The following MAGEF1 variants were observed in gnomAD, a reference collection of about 807,000 sequenced individuals.
The protein encoded by MAGEF1 is melanoma-associated antigen F1.
For synonymous variants in MAGEF1, 150 were observed against 163.6 expected, an observed-to-expected ratio of 0.92 and a Z score of 0.63; for missense variants, 418 against 399.5, an observed-to-expected ratio of 1.05 and a Z score of -0.39.
chr3:184,711,380 T>C lies in MAGEF1; in HGVS notation c.442A>G (p.Lys148Glu). Residue 148 changes from lysine to glutamate, a missense_variant, in exon 1 of 1, where the codon AAA (lysine) becomes GAA (glutamate). Transcript: ENST00000317897. ...TCCTCCTCCTCCAGAGGTTTTAGTT[T>C]GTTGATCAGGATGTAAGTGTGGTGC... ...RKHHTYILIN[K>E]LKPLEEEEEE... 1 of 1,614,096 alleles carries C rather than the reference T, an allele frequency of 6.2e-7. No individual in the cohort carries two copies.
In MAGEF1 at chr3:184,710,837, T is replaced by C. The variant is rs1229260255; in HGVS notation, c.*61A>G. ...AAGACCCTCGCCCCACCCATATTAC[T>C]TATGACTCAGGACAGTAGTTCGTCC... On this transcript the variant is annotated 3_prime_UTR_variant, in exon 1 of 1. Coordinates refer to ENST00000317897, the MANE Select transcript of MAGEF1 (RefSeq NM_022149.5). 1 of 1,488,642 alleles carries C rather than the reference T, an allele frequency of 6.7e-7. No individual in the cohort carries two copies. The highest frequency in any genetic ancestry group is 1.4e-5 in the African/African-American group (1 of 71,528). 92.2% of individuals were successfully genotyped at this position (1,488,642 alleles called of 1,614,324 possible).
rs1712240739 is a variant in MAGEF1 at position 184,711,910 on chromosome 3, G to A, written c.-89C>T. ...GCCCCGGGGGAGGGGTTGGACAGCG[G>A]CAGTGACGGCGGGAGTACAAGGAGC... On this transcript the variant is annotated 5_prime_UTR_variant, in exon 1 of 1. Coordinates refer to ENST00000317897, the MANE Select transcript of MAGEF1 (RefSeq NM_022149.5). 7.1e-7 allele frequency: 1 copy of A among 1,414,752 alleles called. No individual in the cohort carries two copies. The highest frequency in any genetic ancestry group is 9.2e-7 in the Non-Finnish European group (1 of 1,084,238). The allele number at this position is 1,414,752 out of a possible 1,614,324, so 87.6% of individuals were successfully genotyped here.
chr3:184,711,271 G>T lies in MAGEF1; in HGVS notation c.551C>A (p.Ala184Asp). ...CATCTCCCAGACCTGGGCCTCCCTG[G>T]CGCTATTACCTCTCATATAGATAAG... ...LGLIYMRGNS[A>D]REAQVWEMLR... The change falls in exon 1 of 1, where the codon GCC becomes GAC. Residue 184 changes from alanine (A) to aspartate (D), a missense_variant. Physicochemically the swap from Ala to Asp is moderately radical, Grantham distance 126. Coordinates refer to ENST00000317897, the MANE Select transcript of MAGEF1 (RefSeq NM_022149.5). 1.9e-6 allele frequency: 3 copies of T among 1,614,036 alleles called. No individual in the cohort carries two copies. Among genetic ancestry groups the T allele is most frequent in the Non-Finnish European group, 2.5e-6 (3 of 1,180,026 alleles).
In MAGEF1 at chr3:184,711,886, C is replaced by T; in HGVS notation, c.-65G>A. 7.0e-7 allele frequency: 1 copy of T among 1,432,718 alleles called. No individual in the cohort carries two copies. Among genetic ancestry groups the T allele is most frequent in the Non-Finnish European group, 9.2e-7 (1 of 1,092,878 alleles). The allele number at this position is 1,432,718 out of a possible 1,614,324, so 88.8% of individuals were successfully genotyped here. A position where few individuals can be genotyped will look rare whatever the true frequency, so the allele number is the denominator to read the frequency against. On this transcript the variant is annotated 5_prime_UTR_variant, in exon 1 of 1. Coordinates refer to ENST00000317897, the MANE Select transcript of MAGEF1 (RefSeq NM_022149.5). ...AGGGGTGTGGGAGCCGCCGCGCAAGCCCCGGGGGAGGGGTTGGACAGCGGC... is the reference window on the plus strand; with the variant it reads ...AGGGGTGTGGGAGCCGCCGCGCAAGTCCCGGGGGAGGGGTTGGACAGCGGC...
At position 184,711,900 on chromosome 3, in the gene MAGEF1, T is replaced by A. The variant is rs1012619537; in HGVS notation, c.-79A>T. ...CGCCGCGCAAGCCCCGGGGGAGGGG[T>A]TGGACAGCGGCAGTGACGGCGGGAG... is the stretch of plus-strand genomic sequence containing the variant. On this transcript the variant is annotated 5_prime_UTR_variant, in exon 1 of 1. Coordinates refer to ENST00000317897, the MANE Select transcript of MAGEF1 (RefSeq NM_022149.5). 7.0e-7 allele frequency: 1 copy of A among 1,423,090 alleles called. No homozygotes were observed. Among genetic ancestry groups the A allele is most frequent in the African/African-American group, 1.5e-5 (1 of 68,254 alleles). 88.2% of individuals were successfully genotyped at this position (1,423,090 alleles called of 1,614,324 possible). A position where few individuals can be genotyped will look rare whatever the true frequency, so the allele number is the denominator to read the frequency against.
chr3:184,711,595 A>T lies in MAGEF1; in HGVS notation c.227T>A (p.Leu76Gln). Residue 76 changes from leucine (L) to glutamine (Q), a missense_variant, in exon 1 of 1, where the codon CTG becomes CAG. Leu to Gln is a moderately radical substitution (Grantham distance 113, BLOSUM62 -2). Transcript: ENST00000317897. ...CACCAACTCCGCCACCGTCCGATTC[A>T]GCCGGCGGTAGGCCCTGCGCCTTGC... is the stretch of plus-strand genomic sequence containing the variant. ...ALARRRAYRR[L>Q]NRTVAELVQF... is the part of the protein sequence containing the mutation. 1 of 1,613,572 alleles carries T rather than the reference A, an allele frequency of 6.2e-7. No homozygotes were observed.
rs771643117 is a variant in MAGEF1 at position 184,711,054 on chromosome 3, C to T, written c.768G>A (p.Gly256=). Residue 256 remains glycine, a synonymous_variant, in exon 1 of 1, where the codon GGG becomes GGA. Transcript: ENST00000317897. ...CCTTCTTATGCAGTTTGGCCACGAA[C>T]CCCAGGACTTCCATCTTGCTGATTT... ...NLEISKMEVL[G]FVAKLHKKEP... is the part of the protein sequence containing the mutation. 3.8e-5 allele frequency: 62 copies of T among 1,614,108 alleles called. No individual in the cohort carries two copies. Among genetic ancestry groups the T allele is most frequent in the Non-Finnish European group, 5.1e-5 (60 of 1,180,048 alleles).
rs536560183 is a variant in MAGEF1 at position 184,711,734 on chromosome 3, G to A, written c.88C>T (p.Pro30Ser). The A allele has an allele frequency of 6.5e-7, 1 of 1,533,834 alleles. No homozygotes were observed. Among genetic ancestry groups the A allele is most frequent in the African/African-American group, 1.4e-5 (1 of 72,336 alleles). Residue 30 changes from proline to serine, a missense_variant, in exon 1 of 1, where the codon CCG becomes TCG. Transcript: ENST00000317897. ...DGGHDGETRAPTASQERPKEE... is the reference protein window; with the variant it reads ...DGGHDGETRASTASQERPKEE... ...TTGGGGCGCTCCTGCGAGGCGGTCG[G>A]GGCCCGGGTCTCACCATCATGGCCG...
In MAGEF1 at chr3:184,711,080, C is replaced by T; in HGVS notation, c.742G>A (p.Glu248Lys). The change falls in exon 1 of 1, where the codon GAA becomes AAA. Residue 248 changes from glutamate to lysine, a missense_variant. By Grantham distance (56) the Glu-to-Lys change is moderately conservative. Coordinates refer to ENST00000317897, the MANE Select transcript of MAGEF1 (RefSeq NM_022149.5). ...EFSWGPRSNL[E>K]ISKMEVLGFV... ...CCCAGGACTTCCATCTTGCTGATTT[C>T]CAGGTTGCTTCGGGGACCCCAAGAG... The T allele has an allele frequency of 1.9e-6, 3 of 1,614,214 alleles. No individual in the cohort carries two copies. The highest frequency in any genetic ancestry group is 2.5e-6 in the Non-Finnish European group (3 of 1,180,042).
At position 184,711,176 on chromosome 3, in the gene MAGEF1, C is replaced by T; in HGVS notation, c.646G>A (p.Glu216Lys). The change falls in exon 1 of 1, where the codon GAA (glutamate) becomes AAA (lysine). Residue 216 changes from glutamate (E) to lysine (K), a missense_variant. Transcript: ENST00000317897. The stretch of plus-strand genomic sequence containing the variant: ...AGATATCGCTGCTGCACAAAATCTT[C>T]CATAATAAGCCTCTTCGGATACCCA... ...LFGYPKRLIM[E>K]DFVQQRYLSY... 1 of 1,614,218 alleles carries T rather than the reference C, an allele frequency of 6.2e-7. No homozygotes were observed. The highest frequency in any genetic ancestry group is 8.5e-7 in the Non-Finnish European group (1 of 1,180,038).
chr3:184,711,201 A>G lies in MAGEF1; in HGVS notation c.621T>C (p.Phe207=). 1.2e-6 allele frequency: 2 copies of G among 1,614,062 alleles called. No homozygotes were observed. The highest frequency in any genetic ancestry group is 1.6e-4 in the Middle Eastern group (1 of 6,062). Reference sequence around the variant, plus strand: ...CCATAATAAGCCTCTTCGGATACCCAAAGAGGAAATGATACTTTGAGGGTT... The same window carrying G: ...CCATAATAAGCCTCTTCGGATACCCGAAGAGGAAATGATACTTTGAGGGTT... The part of the protein sequence containing the change: ...GVQPSKYHFL[F]GYPKRLIMED... Residue 207 remains phenylalanine (F), a synonymous_variant, in exon 1 of 1, where the codon TTT becomes TTC. Transcript: ENST00000317897.
rs17845253 is a variant in MAGEF1, at chr3:184,711,112, T to C, written c.710A>G (p.Tyr237Cys). 1.9e-6 allele frequency: 3 copies of C among 1,614,166 alleles called. No homozygotes were observed. The highest frequency in any genetic ancestry group is 1.7e-5 in the Admixed American group (1 of 60,028). The change falls in exon 1 of 1, where the codon TAT becomes TGT. Residue 237 changes from tyrosine to cysteine, a missense_variant. By Grantham distance (194) the Tyr-to-Cys change is radical. Coordinates refer to ENST00000317897, the MANE Select transcript of MAGEF1 (RefSeq NM_022149.5). ...RRVPHTNPPEYEFSWGPRSNL... is the reference protein window; with the variant it reads ...RRVPHTNPPECEFSWGPRSNL... ...GCTTCGGGGACCCCAAGAGAATTCA[T>C]ATTCTGGTGGATTGGTGTGAGGCAC...
At position 184,711,298 on chromosome 3, in the gene MAGEF1, C is replaced by A; in HGVS notation, c.524G>T (p.Gly175Val). ...PRLGLLMMIL[G>V]LIYMRGNSAR... Reference sequence around the variant, plus strand: ...GCTATTACCTCTCATATAGATAAGGCCCAGGATCATCATTAACAGACCCAA... The same window carrying A: ...GCTATTACCTCTCATATAGATAAGGACCAGGATCATCATTAACAGACCCAA... The change falls in exon 1 of 1, where the codon GGC (glycine) becomes GTC (valine). Residue 175 changes from glycine to valine, a missense_variant. By Grantham distance (109) the Gly-to-Val change is moderately radical (BLOSUM62 -3). Transcript: ENST00000317897. The A allele has an allele frequency of 6.2e-7, 1 of 1,613,980 alleles. No homozygotes were observed. Among genetic ancestry groups the A allele is most frequent in the Non-Finnish European group, 8.5e-7 (1 of 1,179,998 alleles).
Position 184,711,369 on chromosome 3 carries a change from A to T in MAGEF1, c.453T>A (p.Pro151=). The change falls in exon 1 of 1, where the codon CCT becomes CCA. Residue 151 remains proline (P), a synonymous_variant. Coordinates refer to ENST00000317897, the MANE Select transcript of MAGEF1 (RefSeq NM_022149.5). ...GATCCTCCTCCTCCTCCTCCTCCAG[A>T]GGTTTTAGTTTGTTGATCAGGATGT... ...HTYILINKLK[P]LEEEEEEDLG... 1 of 1,575,574 alleles carries T rather than the reference A, an allele frequency of 6.3e-7. No homozygotes were observed. The highest frequency in any genetic ancestry group is 1.4e-5 in the African/African-American group (1 of 69,614).
chr3:184,712,014 G>A lies in MAGEF1; in HGVS notation c.-193C>T. The A allele has an allele frequency of 3.8e-6, 4 of 1,049,594 alleles. No individual in the cohort carries two copies. Among genetic ancestry groups the A allele is most frequent in the Non-Finnish European group, 5.0e-6 (4 of 797,186 alleles). The allele number at this position is 1,049,594 out of a possible 1,614,324, so 65.0% of individuals were successfully genotyped here. On this transcript the variant is annotated 5_prime_UTR_variant, in exon 1 of 1. Coordinates refer to ENST00000317897, the MANE Select transcript of MAGEF1 (RefSeq NM_022149.5). ...TGCGGCCGCAACGCCGCCAGCAGCC[G>A]GAACCTGCGGCGCGCAGCCTCAGTC...
At position 184,711,693 on chromosome 3, in the gene MAGEF1, G is replaced by C. The variant is rs1712232269; in HGVS notation, c.129C>G (p.Ala43=). The C allele has an allele frequency of 2.5e-6, 4 of 1,574,092 alleles. No individual in the cohort carries two copies. Among genetic ancestry groups the C allele is most frequent in the Non-Finnish European group, 3.4e-6 (4 of 1,163,024 alleles). ...GCTCCGCAGCCCCCTCCTCCCTCCCGGCGCCAAGCTCCTCCTTGGGGCGCT... is the reference window on the plus strand; with the variant it reads ...GCTCCGCAGCCCCCTCCTCCCTCCCCGCGCCAAGCTCCTCCTTGGGGCGCT... ...SQERPKEELG[A]GREEGAAEPA... The change falls in exon 1 of 1, where the codon GCC becomes GCG. Residue 43 remains alanine (A), a synonymous_variant. Coordinates refer to ENST00000317897, the MANE Select transcript of MAGEF1 (RefSeq NM_022149.5).
chr3:184,711,113 ATTC>A lies in MAGEF1; in HGVS notation c.706_708del (p.Glu236del). On this transcript the variant is annotated inframe_deletion, in exon 1 of 1. Coordinates refer to ENST00000317897, the MANE Select transcript of MAGEF1 (RefSeq NM_022149.5). ...CTTCGGGGACCCCAAGAGAATTCAT[ATTC>A]TGGTGGATTGGTGTGAGGCACCCGC... The A allele has an allele frequency of 6.2e-7, 1 of 1,614,114 alleles. No homozygotes were observed. The highest frequency in any genetic ancestry group is 2.2e-5 in the East Asian group (1 of 44,888).
chr3:184,711,902 GGACAGCGGCAGT>G lies in MAGEF1; in HGVS notation c.-93_-82del. ...CCGCGCAAGCCCCGGGGGAGGGGTT[GGACAGCGGCAGT>G]GACGGCGGGAGTACAAGGAGCAATG... On this transcript the variant is annotated 5_prime_UTR_variant, in exon 1 of 1. Coordinates refer to ENST00000317897, the MANE Select transcript of MAGEF1 (RefSeq NM_022149.5). The G allele has an allele frequency of 2.8e-6, 4 of 1,422,672 alleles. No individual in the cohort carries two copies. The highest frequency in any genetic ancestry group is 3.7e-6 in the Non-Finnish European group (4 of 1,088,320). The allele number at this position is 1,422,672 out of a possible 1,614,324, so 88.1% of individuals were successfully genotyped here.
chr3:184,711,048 C>A lies in MAGEF1; in HGVS notation c.774G>T (p.Val258=). 6.2e-7 allele frequency: 1 copy of A among 1,614,232 alleles called. No homozygotes were observed. Among genetic ancestry groups the A allele is most frequent in the Non-Finnish European group, 8.5e-7 (1 of 1,180,046 alleles). ...GCGGTTCCTTCTTATGCAGTTTGGC[C>A]ACGAACCCCAGGACTTCCATCTTGC... ...EISKMEVLGF[V]AKLHKKEPQH... The change falls in exon 1 of 1, where the codon GTG becomes GTT. Residue 258 remains valine (V), a synonymous_variant. Coordinates refer to ENST00000317897, the MANE Select transcript of MAGEF1 (RefSeq NM_022149.5).
Sources: gnomAD v4.1 joint callset for allele counts on GRCh38, gnomAD v4.1.1 for gene constraint, MANE v1.5 for transcripts, NCBI Gene and HGNC (gene_info 2026-07-23, HGNC 2026-07-21) for gene names.